DLG2: variants seen among roughly 807,000 people sequenced by gnomAD.
DLG2 encodes disks large homolog 2.
Under a neutral mutation model 132.5 loss-of-function variants are expected in DLG2, and 45 were observed. The observed-to-expected ratio is 0.34, with a 90% CI of 0.27 to 0.44. The LOEUF is 0.44. DLG2 is among the 20% of genes least tolerant of loss of function. The pLI is 1.00. For missense variants in DLG2, 1,045 were observed against 1,196.9 expected, an observed-to-expected ratio of 0.87 and a Z score of 1.87; for synonymous variants, 424 against 419.6, an observed-to-expected ratio of 1.01 and a Z score of -0.13.
At chr11:84,015,351 C>T (rs2095116500) in intron 11 of DLG2, among the ~76,000 whole-genome samples, 1 of 152,030 alleles carries the variant, frequency 6.6e-6, no homozygotes, top group Non-Finnish European at 1.5e-5. Context: ...TGTGTATTAA[C>T]CTTTTACATT....
chr11:85,214,161 T>C (rs965293797), intron 4 of DLG2, among the ~76,000 whole-genome samples: 2 of 152,124 alleles, frequency 1.3e-5, no homozygotes, highest in South Asian at 4.1e-4. Flanking sequence ...AATATGGAGA[T>C]TTCTCATCTT....
intron 4 of DLG2, among the ~76,000 whole-genome samples, chr11:85,258,998 C>A (rs1055010282): frequency 6.6e-6 from 1 of 152,046 alleles, no homozygotes; most frequent in Non-Finnish European, 1.5e-5. Context: ...GAGTAAGGAC[C>A]ATATATTTCA....
In DLG2 at chr11:85,278,322, T is replaced by A. The variant is rs116217788; in HGVS notation, c.186+6898A>T. ...GTGAGGAATGAATCAATAAAATATC[T>A]ACCATCATGGGTTGCTATAGAGATT... is the stretch of plus-strand genomic sequence containing the variant. On this transcript the variant is annotated intron_variant, in intron 4 of 27. Coordinates refer to ENST00000376104, the MANE Select transcript of DLG2 (RefSeq NM_001142699.3). Among the ~76,000 whole-genome samples the A allele has an allele frequency of 5.2e-3, 791 of 152,328 alleles. 6 individuals are homozygous for A. The highest frequency in any genetic ancestry group is 0.018 in the African/African-American group (733 of 41,586).
At chr11:85,178,555 G>C (rs1018885467) in intron 4 of DLG2, among the ~76,000 whole-genome samples, 2 of 151,600 alleles carry the variant, frequency 1.3e-5, no homozygotes, top group African/African-American at 4.8e-5. Flanking sequence ...ATAATAAAAG[G>C]AATGAAAAAG....
chr11:85,122,311 G>A (rs552208799), intron 5 of DLG2, among the ~76,000 whole-genome samples: 1 of 152,160 alleles, frequency 6.6e-6, no homozygotes, highest in Non-Finnish European at 1.5e-5. Context: ...AGAGAAATCC[G>A]CATTTAGCTG....
intron 15 of DLG2, among the ~76,000 whole-genome samples, chr11:83,874,963 G>A (rs879835605): frequency 3.3e-5 from 5 of 152,038 alleles, no homozygotes; most frequent in Non-Finnish European, 5.9e-5. Flanking sequence ...ATAACACAGA[G>A]CATAAAAACA....
chr11:84,805,617 A>T (rs1023547587), intron 6 of DLG2, among the ~76,000 whole-genome samples: 1 of 151,942 alleles, frequency 6.6e-6, no homozygotes, highest in African/African-American at 2.4e-5. Context: ...GCCTCCCCCC[A>T]TCTCTGTCTT....
intron 11 of DLG2, among the ~76,000 whole-genome samples, chr11:84,044,251 A>G (rs1593907562): frequency 6.6e-6 from 1 of 151,838 alleles, no homozygotes. Flanking sequence ...AACACCACCT[A>G]ATACATACCA....
chr11:84,020,941 A>G (rs1246516471), intron 11 of DLG2, among the ~76,000 whole-genome samples: 3 of 152,168 alleles, frequency 2.0e-5, no homozygotes, highest in East Asian at 3.8e-4. Context: ...TGGCCCTAAC[A>G]CTAAGAGAGC....
chr11:85,591,636 A>G (rs2079347473), intron 3 of DLG2, among the ~76,000 whole-genome samples: 1 of 152,142 alleles, frequency 6.6e-6, no homozygotes, highest in Non-Finnish European at 1.5e-5. Flanking sequence ...CCAGTTACTC[A>G]GGAGGCTGAG....
At chr11:85,239,953 G>A (rs887255785) in intron 4 of DLG2, among the ~76,000 whole-genome samples, 3 of 151,880 alleles carry the variant, frequency 2.0e-5, no homozygotes, top group Non-Finnish European at 4.4e-5. Flanking sequence ...ATATGCAAAT[G>A]TTCAATTTTA....
chr11:83,980,543 T>G lies in DLG2; in HGVS notation c.1019A>C (p.Lys340Thr). ...ATCTCCTACTTGCAACCTTCCATCT[T>G]TTTGTGCAGCTCCTCCATCTATAAT... ...TKIIDGGAAQ[K>T]DGRLQVGDRL... Residue 340 changes from lysine to threonine, a missense_variant, in exon 12 of 28, where the codon AAA becomes ACA. Around this residue, in one of 4 missense-constraint regions of DLG2, gnomAD observed 261 missense variants for 256.1 expected, o/e 1.02. Transcript: ENST00000376104. The G allele has an allele frequency of 6.2e-7, 1 of 1,613,852 alleles. No individual in the cohort carries two copies. Among genetic ancestry groups the G allele is most frequent in the Non-Finnish European group, 8.5e-7 (1 of 1,179,856 alleles).
At chr11:84,918,661 G>A (rs1431753250) in intron 6 of DLG2, among the ~76,000 whole-genome samples, 1 of 152,156 alleles carries the variant, frequency 6.6e-6, no homozygotes, top group East Asian at 1.9e-4. Flanking sequence ...CTCCAAACTA[G>A]CTGTACAACC....
intron 6 of DLG2, among the ~76,000 whole-genome samples, chr11:84,742,133 T>A (rs1269017104): frequency 2.6e-5 from 4 of 151,394 alleles, no homozygotes; most frequent in African/African-American, 4.9e-5. Flanking sequence ...GAAAAAAAAA[T>A]GAAGAAAGCC....
intron 9 of DLG2, among the ~76,000 whole-genome samples, chr11:84,129,782 A>G (rs192922595): frequency 2.0e-5 from 3 of 152,042 alleles, no homozygotes; most frequent in African/African-American, 7.2e-5. Context: ...CTTAAATATG[A>G]GTACACTTTC....
intron 6 of DLG2, among the ~76,000 whole-genome samples, chr11:84,578,703 G>A (rs2099509234): frequency 6.6e-6 from 1 of 152,140 alleles, no homozygotes; most frequent in Non-Finnish European, 1.5e-5. Context: ...TGAGACTTTG[G>A]ACCGTGGACT....
intron 18 of DLG2, among the ~76,000 whole-genome samples, chr11:83,724,470 T>TGAGAGAGA (rs1321049124): frequency 3.0e-5 from 3 of 99,486 alleles, no homozygotes; most frequent in Non-Finnish European, 6.4e-5. Flanking sequence ...TGTGTGTGTG[T>TGAGAGAGA]GTGTGTGAGA....
intron 7 of DLG2, among the ~76,000 whole-genome samples, chr11:84,349,151 G>A (rs1234884577): frequency 2.0e-5 from 3 of 152,068 alleles, no homozygotes; most frequent in Non-Finnish European, 4.4e-5. Flanking sequence ...GCCATTCCTC[G>A]TGTGGCAGGC....
At chr11:83,641,422 C>T (rs1321732028) in intron 18 of DLG2, among the ~76,000 whole-genome samples, 3 of 152,138 alleles carry the variant, frequency 2.0e-5, no homozygotes, top group African/African-American at 7.2e-5. Flanking sequence ...ATTTGGAGCT[C>T]AGAAAATATT....
Sources: gnomAD v4.1 joint callset for allele counts (sites outside exome capture counted in the v4.1 genomes callset) on GRCh38, gnomAD v4.1.1 for gene constraint, gnomAD v4.1.1 regional missense constraint, MANE v1.5 for transcripts, NCBI Gene and HGNC (gene_info 2026-07-23, HGNC 2026-07-21) for gene names.